Variants in DPP6 observed in about 807,000 individuals in gnomAD.
DPP6 encodes the protein dipeptidyl peptidase like 6.
A neutral mutation model predicts 122.6 loss-of-function variants in DPP6; 69 were observed. That is an observed-to-expected ratio of 0.56 (90% CI 0.46 to 0.69). The LOEUF is 0.69. DPP6 is among the 30% of genes least tolerant of loss of function. The pLI is 0.00. For synonymous variants in DPP6, 418 were observed against 433.1 expected (o/e 0.97, Z 0.43); for missense variants, 928 against 1,116.9 (o/e 0.83, Z 2.41).
rs1802353083 is a variant in DPP6 at position 154,063,417 on chromosome 7, G to T, written c.243+10354G>T. 1.5e-5 allele frequency among the ~76,000 whole-genome samples: 2 copies of T among 131,312 alleles called. 1 individual carries two copies. Among genetic ancestry groups the T allele is most frequent in the Non-Finnish European group, 3.3e-5 (2 of 60,636 alleles). The allele number at this position is 131,312 out of a possible 152,430, so 86.1% of individuals were successfully genotyped here. ...GAGAGCTATCCCCTCTTCCGCCCCT[G>T]GCTGTTGGTACCCCCATCGCAAGGG... On this transcript the variant is annotated intron_variant, in intron 1 of 25. Transcript: ENST00000377770.
At chr7:154,377,203 G>A (rs1034350162) in intron 1 of DPP6, among the ~76,000 whole-genome samples, 13 of 152,112 alleles carry the variant, frequency 8.5e-5, no homozygotes, top group Admixed American at 3.9e-4. Flanking sequence ...TTTAAAAAGC[G>A]TGAAATGGGG....
At chr7:154,700,104 TAAC>T (rs1840433399) in intron 7 of DPP6, among the ~76,000 whole-genome samples, 1 of 152,228 alleles carries the variant, frequency 6.6e-6, no homozygotes, top group African/African-American at 2.4e-5. Context: ...GTTTGGTTAA[TAAC>T]AAGTACTATG....
chr7:154,692,771 TTCTC>T (rs899797900), intron 7 of DPP6, among the ~76,000 whole-genome samples: 6 of 144,454 alleles, frequency 4.2e-5, no homozygotes, highest in Non-Finnish European at 7.4e-5. Flanking sequence ...AAAACTATTA[TTCTC>T]TCTCTCTTTT....
At chr7:153,871,252 G>A in the DPP6 span, among the ~76,000 whole-genome samples, 9 of 152,342 alleles carry the variant, frequency 5.9e-5, no homozygotes, top group African/African-American at 1.9e-4. Flanking sequence ...CCCAGAGGTG[G>A]AGCCTGTAGA....
chr7:154,140,793 G>GA (rs1488623064), intron 1 of DPP6, among the ~76,000 whole-genome samples: 1 of 152,128 alleles, frequency 6.6e-6, no homozygotes, highest in Non-Finnish European at 1.5e-5. Context: ...AATGCTTGGC[G>GA]AATTGCCTCA....
Position 153,966,554 on chromosome 7 carries a change from C to T in DPP6, c.51+78820C>T, listed in dbSNP as rs5888542. ...AATTAAACGGTCTGTCCTGTGTTGG[C>T]TTTTTTTTTTTTTTTTTTTTTTTTT... On this transcript the variant is annotated intron_variant, in intron 1 of 25. Coordinates refer to the DPP6 transcript ENST00000404039. Among the ~76,000 whole-genome samples the T allele has an allele frequency of 8.8e-3, 364 of 41,340 alleles. 18 individuals are homozygous for T. The highest frequency in any genetic ancestry group is 0.017 in the African/African-American group (131 of 7,884). 27.1% of individuals were successfully genotyped at this position (41,340 alleles called of 152,430 possible). A position where few individuals can be genotyped will look rare whatever the true frequency, so the allele number is the denominator to read the frequency against.
intron 1 of DPP6, among the ~76,000 whole-genome samples, chr7:154,445,487 T>C (rs1273568852): frequency 2.0e-5 from 3 of 152,180 alleles, no homozygotes; most frequent in African/African-American, 4.8e-5. Context: ...CCTAGACTTA[T>C]GTAGTCTTTA....
At chr7:154,253,087 A>G (rs1161226969) in intron 1 of DPP6, among the ~76,000 whole-genome samples, 1 of 152,268 alleles carries the variant, frequency 6.6e-6, no homozygotes, top group Non-Finnish European at 1.5e-5. Context: ...TGTATATACA[A>G]TTAATTCCAA....
chr7:153,931,988 G>A (rs979648666), intron 1 of DPP6, among the ~76,000 whole-genome samples: 3 of 152,176 alleles, frequency 2.0e-5, no homozygotes, highest in African/African-American at 7.2e-5. Context: ...CTCCTCATTT[G>A]TCTTCTGATC....
At chr7:154,879,235 G>A (rs989927749) in intron 20 of DPP6, among the ~76,000 whole-genome samples, 6 of 152,156 alleles carry the variant, frequency 3.9e-5, no homozygotes, top group Non-Finnish European at 7.4e-5. Context: ...CGGAGTCCAG[G>A]AGTTCAATCA....
At chr7:153,774,936 C>G in the DPP6 span, among the ~76,000 whole-genome samples, 2 of 151,898 alleles carry the variant, frequency 1.3e-5, no homozygotes, top group African/African-American at 4.8e-5. Context: ...CCACTGCACT[C>G]CAGCAGTGTT....
intron 3 of DPP6, among the ~76,000 whole-genome samples, chr7:154,504,176 C>CT (rs1825483749): frequency 6.9e-6 from 1 of 145,138 alleles, no homozygotes; most frequent in African/African-American, 2.5e-5. Flanking sequence ...TAAGGATACA[C>CT]TTTTAAATTG....
At chr7:153,935,516 C>T (rs1801394246) in intron 1 of DPP6, among the ~76,000 whole-genome samples, 2 of 152,194 alleles carry the variant, frequency 1.3e-5, no homozygotes, top group African/African-American at 4.8e-5. Context: ...CCGTCCGAGG[C>T]CCCGTTGGCC....
intron 1 of DPP6, among the ~76,000 whole-genome samples, chr7:154,255,356 A>C (rs547122080): frequency 2.0e-5 from 3 of 152,384 alleles, no homozygotes; most frequent in Middle Eastern, 6.8e-3. Context: ...AATTAGAGTT[A>C]TCTGAAGGTT....
chr7:154,541,219 C>T (rs547529962), intron 4 of DPP6, among the ~76,000 whole-genome samples: 1 of 152,298 alleles, frequency 6.6e-6, no homozygotes, highest in Non-Finnish European at 1.5e-5. Flanking sequence ...CAGCCTTGAC[C>T]TCCCAAGCTC....
chr7:154,157,105 C>T (rs1186998171), intron 1 of DPP6, among the ~76,000 whole-genome samples: 2 of 152,258 alleles, frequency 1.3e-5, no homozygotes, highest in African/African-American at 4.8e-5. Flanking sequence ...AAGGTGTTCA[C>T]ATTTTGGTTA....
intron 5 of DPP6, 83 bp from the exon 6 acceptor site, chr7:154,637,738 T>A: frequency 7.1e-7 from 1 of 1,417,776 alleles, no homozygotes; most frequent in South Asian, 1.4e-5. Flanking sequence ...CTGATGTTTG[T>A]TAGGATTCAC....
intron 1 of DPP6, among the ~76,000 whole-genome samples, chr7:154,320,315 A>C (rs1323230540): frequency 6.6e-6 from 1 of 152,034 alleles, no homozygotes; most frequent in African/African-American, 2.4e-5. Flanking sequence ...TGGTGTCCAG[A>C]AGTTCCCATG....
intron 1 of DPP6, among the ~76,000 whole-genome samples, chr7:154,263,756 C>T (rs1410245747): frequency 2.6e-5 from 4 of 152,120 alleles, no homozygotes; most frequent in African/African-American, 7.2e-5. Context: ...GGCACGATCT[C>T]GGCTCCCTGC....
Sources: allele counts gnomAD v4.1 joint callset (sites outside exome capture counted in the v4.1 genomes callset), GRCh38; gene constraint gnomAD v4.1.1; transcripts MANE v1.5; gene names NCBI Gene and HGNC (gene_info 2026-07-23, HGNC 2026-07-21).